The following MED12L variants were observed in gnomAD, a reference collection of about 807,000 sequenced individuals.
MED12L encodes the protein mediator of RNA polymerase II transcription subunit 12-like protein.
In MED12L, 60 loss-of-function variants were observed where a neutral mutation model predicts 281.3. That is an observed-to-expected ratio of 0.21 (90% CI 0.17 to 0.26). The LOEUF (loss-of-function observed/expected upper bound fraction) is 0.26, where lower values mean the gene tolerates loss of function less well. MED12L is among the 10% of genes least tolerant of loss of function. The pLI, the probability that MED12L is intolerant of heterozygous loss-of-function variation, is 1.00. For synonymous variants in MED12L, 974 were observed against 987.2 expected (o/e 0.99, Z 0.25); for missense variants, 2,146 against 2,680.9 (o/e 0.80, Z 4.41).
At chr3:151,291,257 G>C (rs1197888544) in intron 16 of MED12L, among the ~76,000 whole-genome samples, 6 of 149,952 alleles carry the variant, frequency 4.0e-5, no homozygotes, top group African/African-American at 1.5e-4. Flanking sequence ...TCGTTTGCAT[G>C]TGTGCACACA....
intron 16 of MED12L, among the ~76,000 whole-genome samples, chr3:151,324,588 G>A (rs1348607904): frequency 6.6e-6 from 1 of 152,188 alleles, no homozygotes. Flanking sequence ...CCTCATGCAA[G>A]TTACTTAGCC....
intron 16 of MED12L, among the ~76,000 whole-genome samples, chr3:151,301,160 C>T (rs1745865982): frequency 6.6e-6 from 1 of 152,126 alleles, no homozygotes; most frequent in African/African-American, 2.4e-5. Flanking sequence ...GTGCCAGCAT[C>T]ACATTATTTT....
chr3:151,405,231 C>T (rs1463169713), intron 39 of MED12L, among the ~76,000 whole-genome samples: 1 of 151,888 alleles, frequency 6.6e-6, no homozygotes, highest in Non-Finnish European at 1.5e-5. Flanking sequence ...AGAGGTAAGC[C>T]CAAAGCAGAG....
intron 39 of MED12L, among the ~76,000 whole-genome samples, chr3:151,403,162 T>C (rs995806199): frequency 2.0e-5 from 3 of 152,194 alleles, no homozygotes; most frequent in Non-Finnish European, 2.9e-5. Context: ...TAACACAGAA[T>C]CATGAATGCA....
chr3:151,197,144 A>G (rs148092127), intron 16 of MED12L, among the ~76,000 whole-genome samples: 2 of 152,184 alleles, frequency 1.3e-5, no homozygotes, highest in Admixed American at 6.5e-5. Flanking sequence ...GAGTCAGCTT[A>G]TACTTTATTG....
chr3:151,136,301 G>A (rs1716132722), intron 5 of MED12L, among the ~76,000 whole-genome samples: 1 of 152,190 alleles, frequency 6.6e-6, no homozygotes, highest in Admixed American at 6.5e-5. Context: ...TGCAGTTTGG[G>A]TCTGTGAAGA....
At chr3:151,373,970 T>C (rs550998949) in intron 27 of MED12L, among the ~76,000 whole-genome samples, 7 of 152,204 alleles carry the variant, frequency 4.6e-5, no homozygotes, top group African/African-American at 1.7e-4. Flanking sequence ...AAGAAAAATA[T>C]ATCCATACAC....
chr3:151,402,314 C>T (rs1378172157), intron 39 of MED12L, among the ~76,000 whole-genome samples: 1 of 152,116 alleles, frequency 6.6e-6, no homozygotes, highest in Non-Finnish European at 1.5e-5. Flanking sequence ...TGAGAAATAG[C>T]AATTTTCCCC....
In MED12L at chr3:151,190,936, G is replaced by C. The variant is rs1426916566; in HGVS notation, c.1968+5G>C. The C allele has an allele frequency of 1.2e-6, 2 of 1,613,320 alleles. No homozygotes were observed. The highest frequency in any genetic ancestry group is 2.2e-5 in the East Asian group (1 of 44,876). On this transcript the variant is annotated splice_donor_5th_base_variant and intron_variant, in intron 14 of 44. Transcript: ENST00000687756. ...GACCATGATGTGAAAATGGAGGTAT[G>C]GCCCTGGATATGATGCCCCACTCCC...
intron 17 of MED12L, among the ~76,000 whole-genome samples, chr3:151,350,643 A>G (rs1357083349): frequency 1.3e-5 from 2 of 152,146 alleles, no homozygotes; most frequent in Non-Finnish European, 2.9e-5. Context: ...TTTGCATGTT[A>G]ATTGAAAATC....
chr3:151,310,842 T>C (rs573716117), intron 16 of MED12L, among the ~76,000 whole-genome samples: 1 of 152,296 alleles, frequency 6.6e-6, no homozygotes, highest in East Asian at 1.9e-4. Flanking sequence ...AGAGCTTAGT[T>C]GGCTTGAAGT....
At chr3:151,293,638 T>TACACACACACACAC (rs199892582) in intron 16 of MED12L, among the ~76,000 whole-genome samples, 14 of 99,742 alleles carry the variant, frequency 1.4e-4, no homozygotes, top group African/African-American at 5.1e-4. Flanking sequence ...ATGAAGCCCT[T>TACACACACACACAC]ACACACACAC....
In MED12L at chr3:151,247,619, G is replaced by A. The variant is rs533474538; in HGVS notation, c.2250+53953G>A. On this transcript the variant is annotated intron_variant, in intron 16 of 44. Transcript: ENST00000687756. Reference sequence around the variant, plus strand: ...ACACTCCGGGGACTGTTGTGGGGTCGGGGAGGGGGGAGGGATAGCATTGGG... The same window carrying A: ...ACACTCCGGGGACTGTTGTGGGGTCAGGGAGGGGGGAGGGATAGCATTGGG... Among the ~76,000 whole-genome samples the A allele has an allele frequency of 7.3e-5, 10 of 136,852 alleles. No homozygotes were observed. In the Middle Eastern group the frequency reaches 0.011, roughly 150 times the overall value. The allele number at this position is 136,852 out of a possible 152,430, so 89.8% of individuals were successfully genotyped here.
Position 151,365,958 on chromosome 3 carries a change from G to T in MED12L, c.3294G>T (p.Val1098=). The change falls in exon 23 of 45, where the codon GTG becomes GTT. Residue 1098 remains valine (V), a synonymous_variant. Transcript: ENST00000687756. ...CTCTTTGTTGTTCTTCAAATCACGT[G>T]TGGGGGTTTAATGATGTACTTTGCA... ...LKALCCSSNH[V]WGFNDVLCTV... is the part of the protein sequence containing the mutation. 4 of 1,612,716 alleles carry T rather than the reference G, an allele frequency of 2.5e-6. No individual in the cohort carries two copies. In the South Asian group the frequency reaches 4.4e-5, roughly 18 times the overall value.
chr3:151,139,584 C>A lies in MED12L; in HGVS notation c.556+11600C>A, dbSNP rs139935775. ...TTTTCCTTCATAGTATTAACATGGA[C>A]TAGACCTACTCAAGTTGTGAGAGGA... On this transcript the variant is annotated intron_variant, in intron 5 of 44. Transcript: ENST00000687756. 7.9e-5 allele frequency among the ~76,000 whole-genome samples: 12 copies of A among 152,276 alleles called. No homozygotes were observed. In the East Asian group the frequency reaches 2.3e-3, roughly 29 times the overall value.
At chr3:151,213,231 T>C (rs1393374313) in intron 16 of MED12L, 4 of 1,189,964 alleles carry the variant, frequency 3.4e-6, no homozygotes, top group Admixed American at 2.3e-5. Context: ...ACATATCTTA[T>C]TGATTTCTGT....
At chr3:151,164,101 A>G (rs1276733010) in intron 9 of MED12L, 59 bp downstream of exon 9, 3 of 1,573,888 alleles carry the variant, frequency 1.9e-6, no homozygotes, top group African/African-American at 1.4e-5. Flanking sequence ...GCATCAGGGC[A>G]CAGTGGGTCA....
At chr3:151,160,291 A>G (rs1719819343) in intron 8 of MED12L, among the ~76,000 whole-genome samples, 190 bp downstream of exon 8, 1 of 152,356 alleles carries the variant, frequency 6.6e-6, no homozygotes, top group African/African-American at 2.4e-5. Context: ...GATTTGTCAC[A>G]TTCGTCTAGG....
At chr3:151,256,868 T>A (rs1277626583) in intron 16 of MED12L, among the ~76,000 whole-genome samples, 3 of 151,844 alleles carry the variant, frequency 2.0e-5, no homozygotes, top group Non-Finnish European at 4.4e-5. Flanking sequence ...TTGTTGTTTT[T>A]TTTTTTAAAT....
Sources: gnomAD v4.1 joint callset for allele counts (sites outside exome capture counted in the v4.1 genomes callset) on GRCh38, gnomAD v4.1.1 for gene constraint, MANE v1.5 for transcripts, NCBI Gene and HGNC (gene_info 2026-07-23, HGNC 2026-07-21) for gene names.